The following EP300 variants were observed in gnomAD, a reference collection of about 807,000 sequenced individuals.
EP300 encodes EP300 lysine acetyltransferase.
A neutral mutation model predicts 264.0 loss-of-function variants in EP300; 31 were observed. That is an observed-to-expected ratio of 0.12 (90% CI 0.09 to 0.16). The LOEUF is 0.16. Among genes scored for constraint, EP300 ranks in the 10% least tolerant of loss-of-function variants. EP300 has a pLI of 1.00. For synonymous variants in EP300, 1,340 were observed against 1,045.4 expected, an observed-to-expected ratio of 1.28 and a Z score of -5.44; for missense variants, 2,766 against 3,052.9, an observed-to-expected ratio of 0.91 and a Z score of 2.21.
At chr22:41,130,538 C>A (rs1601606524) in intron 5 of EP300, among the ~76,000 whole-genome samples, 1 of 128,660 alleles carries the variant, frequency 7.8e-6, no homozygotes, top group African/African-American at 2.9e-5. Flanking sequence ...TTAAAAAAAA[C>A]AAAACAAAAC....
In EP300 at chr22:41,117,796, G is replaced by T. The variant is rs1408853234; in HGVS notation, c.704G>T (p.Gly235Val). The T allele has an allele frequency of 1.2e-6, 2 of 1,614,062 alleles. No homozygotes were observed. The highest frequency in any genetic ancestry group is 8.5e-7 in the Non-Finnish European group (1 of 1,180,048). ...QGSPQMGGQTGLRGPQPLKMG... is the reference protein window; with the variant it reads ...QGSPQMGGQTVLRGPQPLKMG... Reference sequence around the variant, plus strand: ...TCTCCCCAGATGGGAGGACAAACAGGATTGAGAGGCCCCCAGCCTCTTAAG... The same window carrying T: ...TCTCCCCAGATGGGAGGACAAACAGTATTGAGAGGCCCCCAGCCTCTTAAG... The change falls in exon 2 of 31, where the codon GGA becomes GTA. Residue 235 changes from glycine to valine, a missense_variant. Transcript: ENST00000263253.
At chr22:41,130,153 A>G in intron 5 of EP300, 150 bp downstream of exon 5, 1 of 655,230 alleles carries the variant, frequency 1.5e-6, no homozygotes, top group South Asian at 1.8e-5. Context: ...CTGCTTCCCT[A>G]GTGCATAGAA....
At chr22:41,172,469 A>G in intron 27 of EP300, 30 bp from the exon 28 acceptor site, 1 of 1,570,258 alleles carries the variant, frequency 6.4e-7, no homozygotes, top group Non-Finnish European at 8.8e-7. Flanking sequence ...GAACATAGAA[A>G]TTCCTATATG....
At chr22:41,098,210 C>T (rs763877117) in intron 1 of EP300, among the ~76,000 whole-genome samples, 1 of 151,966 alleles carries the variant, frequency 6.6e-6, no homozygotes, top group Non-Finnish European at 1.5e-5. Flanking sequence ...GCTTAATAGA[C>T]GGTAGTTTCA....
At chr22:41,103,721 A>G (rs1378835851) in intron 1 of EP300, among the ~76,000 whole-genome samples, 1 of 152,130 alleles carries the variant, frequency 6.6e-6, no homozygotes, top group African/African-American at 2.4e-5. Flanking sequence ...TCTATTGTGG[A>G]AAGAGAAATA....
intron 1 of EP300, among the ~76,000 whole-genome samples, chr22:41,105,251 C>G (rs2145681646): frequency 6.7e-6 from 1 of 148,898 alleles, no homozygotes; most frequent in South Asian, 2.2e-4. Flanking sequence ...GCCTGTAGTC[C>G]CAGCTACTCG....
chr22:41,137,859 G>T, intron 8 of EP300, 69 bp downstream of exon 8: 2 of 1,605,798 alleles, frequency 1.2e-6, no homozygotes, highest in Non-Finnish European at 1.7e-6. Flanking sequence ...AATCTCCTGG[G>T]CATTTAATTA....
Position 41,176,629 on chromosome 22 carries a change from C to T in EP300, c.5061+101C>T, listed in dbSNP as rs143549087. 1.1e-4 allele frequency: 180 copies of T among 1,606,784 alleles called. No homozygotes were observed. The East Asian group carries it at 3.8e-3, about 34-fold the overall frequency. ...ATAGAGGCCTGTGGGATGCTAGGGG[C>T]TTGGCCTCGTGTTTGAGGGGCAGAG... On this transcript the variant is annotated intron_variant, in intron 30 of 30. Coordinates refer to ENST00000263253, the MANE Select transcript of EP300 (RefSeq NM_001429.4).
intron 7 of EP300, 67 bp from the exon 8 acceptor site, chr22:41,137,586 G>T (rs1252082402): frequency 6.3e-7 from 1 of 1,598,078 alleles, no homozygotes; most frequent in Non-Finnish European, 8.6e-7. Context: ...ATCAGTGTCA[G>T]CTTGAATTAA....
rs376152408 is a variant in EP300 at position 41,127,506 on chromosome 22, A to C, written c.926A>C (p.Gln309Pro). 1 of 1,614,220 alleles carries C rather than the reference A, an allele frequency of 6.2e-7. No individual in the cohort carries two copies. ...TCTCAGGGTCAACAGCCAGCCCCGC[A>C]GGTCCAGCAGCCAGGCCTGGTGACT... ...MPNMGQQPAPQVQQPGLVTPV... is the reference protein window; with the variant it reads ...MPNMGQQPAPPVQQPGLVTPV... The change falls in exon 4 of 31, where the codon CAG becomes CCG. Residue 309 changes from glutamine (Q) to proline (P), a missense_variant. Physicochemically the swap from Gln to Pro is moderately conservative, Grantham distance 76 (BLOSUM62 -1). Coordinates refer to ENST00000263253, the MANE Select transcript of EP300 (RefSeq NM_001429.4).
At chr22:41,093,431 A>G (rs1363074668) in intron 1 of EP300, among the ~76,000 whole-genome samples, 2 of 152,168 alleles carry the variant, frequency 1.3e-5, no homozygotes, top group East Asian at 1.9e-4. Flanking sequence ...CTCCTATGCA[A>G]TTTAAGTTTC....
chr22:41,171,851 G>C (rs968104650), intron 27 of EP300, among the ~76,000 whole-genome samples: 2 of 151,876 alleles, frequency 1.3e-5, no homozygotes, highest in Non-Finnish European at 2.9e-5. Flanking sequence ...GACCTCAGGT[G>C]ATCCACCTGC....
intron 16 of EP300, among the ~76,000 whole-genome samples, chr22:41,153,958 G>A (rs930929368): frequency 6.6e-6 from 1 of 151,778 alleles, no homozygotes; most frequent in Non-Finnish European, 1.5e-5. Context: ...AAAAAATAAG[G>A]CCCTTGCTGA....
At chr22:41,103,685 A>G (rs372059760) in intron 1 of EP300, among the ~76,000 whole-genome samples, 1 of 152,110 alleles carries the variant, frequency 6.6e-6, no homozygotes, top group East Asian at 1.9e-4. Flanking sequence ...TTTTCATGGG[A>G]GAGAGATGGG....
chr22:41,098,433 G>A (rs956988931), intron 1 of EP300, among the ~76,000 whole-genome samples: 8 of 152,126 alleles, frequency 5.3e-5, no homozygotes, highest in Non-Finnish European at 1.2e-4. Context: ...GTGCAGTGGC[G>A]CGATCTCGGG....
intron 4 of EP300, among the ~76,000 whole-genome samples, 190 bp downstream of exon 4, chr22:41,127,938 A>G (rs1284568829): frequency 1.3e-5 from 2 of 152,226 alleles, no homozygotes; most frequent in Non-Finnish European, 2.9e-5. Flanking sequence ...TTACAATCCC[A>G]GCACTTTGGT....
At chr22:41,143,381 G>C (rs773870010) in intron 10 of EP300, among the ~76,000 whole-genome samples, 2 of 152,184 alleles carry the variant, frequency 1.3e-5, no homozygotes, top group African/African-American at 4.8e-5. Context: ...GAGCCCAGGA[G>C]GTCAAGGCTG....
chr22:41,092,834 C>A lies in EP300; in HGVS notation c.-171C>A. 1 of 751,970 alleles carries A rather than the reference C, an allele frequency of 1.3e-6. No homozygotes were observed. Among genetic ancestry groups the A allele is most frequent in the Non-Finnish European group, 2.4e-6 (1 of 420,460 alleles). 46.6% of individuals were successfully genotyped at this position (751,970 alleles called of 1,614,324 possible). A position where few individuals can be genotyped will look rare whatever the true frequency, so the allele number is the denominator to read the frequency against. Reference sequence around the variant, plus strand: ...TTACCTTTTCTATCGAGTCCGCATCCCTCTCCAGCCACTGCGACCCGGCGA... The same window carrying A: ...TTACCTTTTCTATCGAGTCCGCATCACTCTCCAGCCACTGCGACCCGGCGA... On this transcript the variant is annotated 5_prime_UTR_variant, in exon 1 of 31. Coordinates refer to ENST00000263253, the MANE Select transcript of EP300 (RefSeq NM_001429.4).
rs377140865 is a variant in EP300 at position 41,135,823 on chromosome 22, T to C, written c.1539T>C (p.Pro513=). 30 of 1,613,016 alleles carry C rather than the reference T, an allele frequency of 1.9e-5. No homozygotes were observed. The African/African-American group carries it at 2.9e-4, about 16-fold the overall frequency. Residue 513 remains proline, a synonymous_variant, in exon 7 of 31, where the codon CCT becomes CCC. Transcript: ENST00000263253. ...TTCATTTTGACTTAGGTGCTAGTCCTATGGGAGTAAATGGAGGTGTAGGAG... is the reference window on the plus strand; with the variant it reads ...TTCATTTTGACTTAGGTGCTAGTCCCATGGGAGTAAATGGAGGTGTAGGAG... ...MRPMSNMSAS[P]MGVNGGVGVQ...
Sources: gnomAD v4.1 joint callset for allele counts (sites outside exome capture counted in the v4.1 genomes callset) on GRCh38, gnomAD v4.1.1 for gene constraint, MANE v1.5 for transcripts, NCBI Gene and HGNC (gene_info 2026-07-23, HGNC 2026-07-21) for gene names.